STAT1: variants seen among roughly 807,000 people sequenced by gnomAD.
STAT1 encodes the protein signal transducer and activator of transcription 1-alpha/beta.
A neutral mutation model predicts 111.7 loss-of-function variants in STAT1; 24 were observed. The ratio of observed to expected loss-of-function variants is 0.21; its 90% CI spans 0.16 to 0.30. The LOEUF (loss-of-function observed/expected upper bound fraction) is 0.30. STAT1 is among the 10% of genes least tolerant of loss of function. STAT1 has a pLI of 1.00. For missense variants in STAT1, 351 were observed against 911.9 expected, an observed-to-expected ratio of 0.38 and a Z score of 7.92; for synonymous variants, 332 against 326.5, an observed-to-expected ratio of 1.02 and a Z score of -0.18.
chr2:190,980,613 TC>T lies in STAT1; in HGVS notation c.1632+6del, dbSNP rs759601214. Reference sequence around the variant, plus strand: ...CTTAGAGAGCATAAAACCCAGACAGTCCTCACCTTACAAAACCTCGTCCACG... The same window carrying T: ...CTTAGAGAGCATAAAACCCAGACAGTCTCACCTTACAAAACCTCGTCCACG... On this transcript the variant is annotated splice_donor_region_variant and intron_variant, in intron 19 of 24. Coordinates refer to ENST00000361099, the MANE Select transcript of STAT1 (RefSeq NM_007315.4). This position sits in a 1 kb window ranked among gnomAD's most constrained non-coding sequence, Gnocchi z 6.1. 1.3e-5 allele frequency: 21 copies of T among 1,614,080 alleles called. No individual in the cohort carries two copies. In the African/African-American group the frequency reaches 2.3e-4, roughly 17 times the overall value.
In STAT1 at chr2:191,003,468, C is replaced by A. The variant is rs1400562119; in HGVS notation, c.373-2305G>T. ...GGAGGTGGGGCCTGGTGGAAGGTGA[C>A]TGGATCACGGGGACAGTTTCTCATG... is the stretch of plus-strand genomic sequence containing the variant. On this transcript the variant is annotated intron_variant, in intron 5 of 24. Coordinates refer to ENST00000361099, the MANE Select transcript of STAT1 (RefSeq NM_007315.4). The surrounding 1 kb of genome is among the most constrained non-coding windows in gnomAD (Gnocchi z 4.0). Among the ~76,000 whole-genome samples, 1 of 152,184 alleles carries A rather than the reference C, an allele frequency of 6.6e-6. No homozygotes were observed. The highest frequency in any genetic ancestry group is 1.5e-5 in the Non-Finnish European group (1 of 68,032).
intron 12 of STAT1, among the ~76,000 whole-genome samples, chr2:190,988,698 G>A (rs540480042): frequency 6.6e-6 from 1 of 152,182 alleles, no homozygotes; most frequent in Non-Finnish European, 1.5e-5. Context: ...AGTTTTGGGA[G>A]TGGTTTGTTA....
chr2:191,002,397 T>C (rs749445668), intron 5 of STAT1, among the ~76,000 whole-genome samples: 5 of 152,170 alleles, frequency 3.3e-5, no homozygotes, highest in Non-Finnish European at 5.9e-5. Flanking sequence ...GCCTGAACCC[T>C]TGAAGGATGT....
rs961521516 is a variant in STAT1 at position 190,978,451 on chromosome 2, T to C, written c.1873+405A>G. ...CATCAACTCCCTGGCTGATGATGTG[T>C]ATGAAGTCTTCTCCCGAAGCCTGTC... On this transcript the variant is annotated intron_variant, in intron 21 of 24. Transcript: ENST00000361099. The surrounding 1 kb of genome is among the most constrained non-coding windows in gnomAD (Gnocchi z 6.1). 11 of 295,532 alleles carry C rather than the reference T, an allele frequency of 3.7e-5. No individual in the cohort carries two copies. The highest frequency in any genetic ancestry group is 2.2e-4 in the African/African-American group (10 of 46,306). The allele number at this position is 295,532 out of a possible 1,614,324, so 18.3% of individuals were successfully genotyped here. A position where few individuals can be genotyped will look rare whatever the true frequency, so the allele number is the denominator to read the frequency against.
rs1020176578 is a variant in STAT1 at position 190,981,444 on chromosome 2, G to T, written c.1583-775C>A. On this transcript the variant is annotated intron_variant, in intron 18 of 24. Transcript: ENST00000361099. The surrounding 1 kb of genome is among the most constrained non-coding windows in gnomAD (Gnocchi z 4.1). ...GTTATTAGCTACACAAATTAAAGCA[G>T]CCTGGGCGAGAAGAGGCGGTAAGCC... Among the ~76,000 whole-genome samples, 5 of 152,216 alleles carry T rather than the reference G, an allele frequency of 3.3e-5. No individual in the cohort carries two copies. Among genetic ancestry groups the T allele is most frequent in the Non-Finnish European group, 5.9e-5 (4 of 68,032 alleles).
Position 191,009,005 on chromosome 2 carries a change from G to A in STAT1, c.231C>T (p.Phe77=), listed in dbSNP as rs1266257109. The A allele has an allele frequency of 2.5e-6, 4 of 1,613,438 alleles. No homozygotes were observed. In the African/African-American group the frequency reaches 4.0e-5, roughly 16 times the overall value. Residue 77 remains phenylalanine, a synonymous_variant, in exon 4 of 25, where the codon TTC becomes TTT. Coordinates refer to ENST00000361099, the MANE Select transcript of STAT1 (RefSeq NM_007315.4). ...TTTTCCTTATGTTATGCTGTAGCAAGAAGTTATTCTCCAAAGAAAAGCGAC... is the reference window on the plus strand; with the variant it reads ...TTTTCCTTATGTTATGCTGTAGCAAAAAGTTATTCTCCAAAGAAAAGCGAC... ...QYSRFSLENN[F]LLQHNIRKSK...
Position 191,012,285 on chromosome 2 carries a change from G to C in STAT1, c.-2+1240C>G, listed in dbSNP as rs536649576. Among the ~76,000 whole-genome samples, 49 of 152,020 alleles carry C rather than the reference G, an allele frequency of 3.2e-4. No individual in the cohort carries two copies. The highest frequency in any genetic ancestry group is 4.7e-4 in the Non-Finnish European group (32 of 67,958). ...AAAAAAATTAGCAGGGCATGGTGGT[G>C]TGCACCTGTAGTCCCAACTACTCGT... is the stretch of plus-strand genomic sequence containing the variant. On this transcript the variant is annotated intron_variant, in intron 2 of 24. Transcript: ENST00000361099. This position sits in a 1 kb window ranked among gnomAD's most constrained non-coding sequence, Gnocchi z 4.0.
In STAT1 at chr2:190,989,593, TATA is replaced by T. The variant is rs1224886636; in HGVS notation, c.1097+19_1097+21del. 2 of 1,358,496 alleles carry T rather than the reference TATA, an allele frequency of 1.5e-6. No homozygotes were observed. The highest frequency in any genetic ancestry group is 1.0e-6 in the Non-Finnish European group (1 of 965,572). The allele number at this position is 1,358,496 out of a possible 1,614,324, so 84.2% of individuals were successfully genotyped here. ...ACATTTCAATAGTACATGTATGTTA[TATA>T]ATGTTAAAGATATCTTACTTATCAA... On this transcript the variant is annotated intron_variant, in intron 12 of 24. Coordinates refer to ENST00000361099, the MANE Select transcript of STAT1 (RefSeq NM_007315.4). This position sits in a 1 kb window ranked among gnomAD's most constrained non-coding sequence, Gnocchi z 5.0.
rs774050725 is a variant in STAT1 at position 190,999,254 on chromosome 2, G to A, written c.541+372C>T. On this transcript the variant is annotated intron_variant, in intron 7 of 24. Transcript: ENST00000361099. This position sits in a 1 kb window ranked among gnomAD's most constrained non-coding sequence, Gnocchi z 4.1. The stretch of plus-strand genomic sequence containing the variant: ...CTCTGTGTCAGTCAGTGGGCTAGGC[G>A]CAATAAATATGGTGAGTAACACATA... Among the ~76,000 whole-genome samples, 13 of 152,108 alleles carry A rather than the reference G, an allele frequency of 8.5e-5. No homozygotes were observed. The highest frequency in any genetic ancestry group is 1.8e-4 in the Non-Finnish European group (12 of 68,010).
Position 190,982,282 on chromosome 2 carries a change from T to C in STAT1, c.1582+101A>G. 1.4e-6 allele frequency: 2 copies of C among 1,435,572 alleles called. No individual in the cohort carries two copies. The highest frequency in any genetic ancestry group is 1.2e-5 in the South Asian group (1 of 85,268). 88.9% of individuals were successfully genotyped at this position (1,435,572 alleles called of 1,614,324 possible). On this transcript the variant is annotated intron_variant, in intron 18 of 24. Coordinates refer to ENST00000361099, the MANE Select transcript of STAT1 (RefSeq NM_007315.4). The surrounding 1 kb of genome is among the most constrained non-coding windows in gnomAD (Gnocchi z 7.3). ...TTGAAAAGCTGACAGATTTTAGTAC[T>C]TTTTTACCTTTAACAAAATAGCAGA...
In STAT1 at chr2:190,969,856, A is replaced by G. The variant is rs1474363657; in HGVS notation, c.*847T>C. The G allele has an allele frequency of 1.3e-5, 2 of 152,238 alleles. No individual in the cohort carries two copies. The highest frequency in any genetic ancestry group is 6.5e-5 in the Admixed American group (1 of 15,274). The allele number at this position is 152,238 out of a possible 1,614,324, so 9.4% of individuals were successfully genotyped here. On this transcript the variant is annotated 3_prime_UTR_variant, in exon 25 of 25. Coordinates refer to ENST00000361099, the MANE Select transcript of STAT1 (RefSeq NM_007315.4). ...TAAATTTCTGAGTTTATCTACATCT[A>G]TGGTTAATTTCAACTTTTGAATGAG...
At chr2:190,991,382 A>T (rs1559014648) in intron 10 of STAT1, 62 bp from the exon 11 acceptor site, 2 of 1,523,274 alleles carry the variant, frequency 1.3e-6, no homozygotes, top group Non-Finnish European at 1.8e-6. Context: ...GGCAATCACA[A>T]TGATTTTCCT....
At chr2:190,988,353 G>C (rs1467523581) in intron 12 of STAT1, among the ~76,000 whole-genome samples, 1 of 152,094 alleles carries the variant, frequency 6.6e-6, no homozygotes, top group African/African-American at 2.4e-5. Context: ...GAGAAATAAT[G>C]AGTTTTTGAG....
At position 190,980,276 on chromosome 2, in the gene STAT1, A is replaced by G. The variant is rs1344863110; in HGVS notation, c.1632+344T>C. On this transcript the variant is annotated intron_variant, in intron 19 of 24. Coordinates refer to ENST00000361099, the MANE Select transcript of STAT1 (RefSeq NM_007315.4). This position sits in a 1 kb window ranked among gnomAD's most constrained non-coding sequence, Gnocchi z 6.1. ...GGCCCCTCTGCTCGAGCAGGCCGTT[A>G]AACTCGTCTGGCTGGTCAGGCTGCG... 6.6e-6 allele frequency among the ~76,000 whole-genome samples: 1 copy of G among 152,248 alleles called. No individual in the cohort carries two copies. The highest frequency in any genetic ancestry group is 1.5e-5 in the Non-Finnish European group (1 of 68,032).
chr2:190,982,492 T>C lies in STAT1; in HGVS notation c.1473A>G (p.Pro491=), dbSNP rs1046506262. The C allele has an allele frequency of 1.9e-6, 3 of 1,613,978 alleles. No homozygotes were observed. The highest frequency in any genetic ancestry group is 1.7e-6 in the Non-Finnish European group (2 of 1,180,016). Residue 491 remains proline, a synonymous_variant, in exon 18 of 25, where the codon CCA becomes CCG. Transcript: ENST00000361099. This position sits in a 1 kb window ranked among gnomAD's most constrained non-coding sequence, Gnocchi z 7.3. Reference sequence around the variant, plus strand: ...CTGAAAGCTGAGCCCATCGTGCACATGGTGGAGTCAGGAAGAAGGACAGAT... The same window carrying C: ...CTGAAAGCTGAGCCCATCGTGCACACGGTGGAGTCAGGAAGAAGGACAGAT... The part of the protein sequence containing the change: ...PRNLSFFLTP[P]CARWAQLSEV...
rs1469958191 is a variant in STAT1 at position 190,986,524 on chromosome 2, G to A, written c.1221+330C>T. Reference sequence around the variant, plus strand: ...CACACTTGGATCACAGTCAGGACACGGGAGCCATAACCTTTGAGAAAACTG... The same window carrying A: ...CACACTTGGATCACAGTCAGGACACAGGAGCCATAACCTTTGAGAAAACTG... On this transcript the variant is annotated intron_variant, in intron 14 of 24. Coordinates refer to ENST00000361099, the MANE Select transcript of STAT1 (RefSeq NM_007315.4). This position sits in a 1 kb window ranked among gnomAD's most constrained non-coding sequence, Gnocchi z 5.0. Among the ~76,000 whole-genome samples, 3 of 152,188 alleles carry A rather than the reference G, an allele frequency of 2.0e-5. No individual in the cohort carries two copies. In the East Asian group the frequency reaches 5.8e-4, roughly 29 times the overall value.
At position 190,995,126 on chromosome 2, in the gene STAT1, A is replaced by C; in HGVS notation, c.879T>G (p.Pro293=). The C allele has an allele frequency of 6.2e-7, 1 of 1,613,818 alleles. No homozygotes were observed. The highest frequency in any genetic ancestry group is 2.2e-5 in the East Asian group (1 of 44,878). The change falls in exon 10 of 25, where the codon CCT becomes CCG. Residue 293 remains proline, a synonymous_variant. Coordinates refer to ENST00000361099, the MANE Select transcript of STAT1 (RefSeq NM_007315.4). This position sits in a 1 kb window ranked among gnomAD's most constrained non-coding sequence, Gnocchi z 4.2. ...LEQKYTYEHD[P]ITKNKQVLWD... ...ATAACACTTGTTTGTTTTTTGTGATAGGGTCATGTTCGTAGGTGTATTTCT... is the reference window on the plus strand; with the variant it reads ...ATAACACTTGTTTGTTTTTTGTGATCGGGTCATGTTCGTAGGTGTATTTCT...
chr2:190,988,409 C>T (rs1693038701), intron 12 of STAT1, among the ~76,000 whole-genome samples: 1 of 152,198 alleles, frequency 6.6e-6, no homozygotes, highest in Non-Finnish European at 1.5e-5. Context: ...GACAGAGTCT[C>T]ACTCTGTCAC....
chr2:190,982,476 G>A lies in STAT1; in HGVS notation c.1489C>T (p.Gln497Ter). The change falls in exon 18 of 25, where the codon CAG becomes TAG. Residue 497 changes from glutamine (Q) to a stop codon, truncating the protein, a stop_gained. Transcript: ENST00000361099. LOFTEE classifies it high-confidence loss of function. The surrounding 1 kb of genome is among the most constrained non-coding windows in gnomAD (Gnocchi z 7.3). ...FLTPPCARWA[Q>*]LSEVLSWQFS... ...TGCCAACTCAGCACTTCTGAAAGCT[G>A]AGCCCATCGTGCACATGGTGGAGTC... The A allele has an allele frequency of 6.2e-7, 1 of 1,614,212 alleles. No homozygotes were observed. The highest frequency in any genetic ancestry group is 8.5e-7 in the Non-Finnish European group (1 of 1,180,032).
Sources: gnomAD v4.1 joint callset for allele counts (sites outside exome capture counted in the v4.1 genomes callset) on GRCh38, gnomAD v4.1.1 for gene constraint, Gnocchi (gnomAD v3.1) non-coding constraint, MANE v1.5 for transcripts, NCBI Gene and HGNC (gene_info 2026-07-23, HGNC 2026-07-21) for gene names.